The following DHRS9 variants were observed in gnomAD, a reference collection of about 807,000 sequenced individuals.
DHRS9 encodes the protein dehydrogenase/reductase SDR family member 9.
A neutral mutation model predicts 26.6 loss-of-function variants in DHRS9; 18 were observed. That is an observed-to-expected ratio of 0.68 (90% CI 0.47 to 1.00). The LOEUF (loss-of-function observed/expected upper bound fraction) is 1.00. Ranked by LOEUF, DHRS9 falls within the 50% of genes least tolerant of loss-of-function variation. The pLI, the probability that DHRS9 is intolerant of heterozygous loss-of-function variation, is 0.00. For synonymous variants in DHRS9, 134 were observed against 141.1 expected (o/e 0.95, Z 0.36); for missense variants, 425 against 378.7 (o/e 1.12, Z -1.01).
At chr2:169,078,182 CCT>C (rs1206514659) in intron 1 of DHRS9, among the ~76,000 whole-genome samples, 1 of 152,148 alleles carries the variant, frequency 6.6e-6, no homozygotes, top group Non-Finnish European at 1.5e-5. Flanking sequence ...AATAATATGC[CCT>C]CTCTAACTCA....
chr2:169,092,366 G>T (rs1684557100), intron 4 of DHRS9, among the ~76,000 whole-genome samples: 1 of 152,164 alleles, frequency 6.6e-6, no homozygotes, highest in East Asian at 1.9e-4. Flanking sequence ...TGTACACTTG[G>T]CATTAAGGAT....
At chr2:169,084,907 A>G (rs1684304406) in intron 3 of DHRS9, among the ~76,000 whole-genome samples, 1 of 152,166 alleles carries the variant, frequency 6.6e-6, no homozygotes, top group African/African-American at 2.4e-5. Flanking sequence ...ATCTTTGCCC[A>G]GCTAATTGTC....
At chr2:169,081,252 A>G in intron 1 of DHRS9, 3 of 863,580 alleles carry the variant, frequency 3.5e-6, no homozygotes, top group Non-Finnish European at 3.0e-6. Context: ...TGGCAACTCA[A>G]TGGCTTGTGT....
chr2:169,087,070 G>A (rs964210591), intron 3 of DHRS9, among the ~76,000 whole-genome samples: 1 of 152,164 alleles, frequency 6.6e-6, no homozygotes, highest in African/African-American at 2.4e-5. Context: ...GGGGTGGCAA[G>A]TTCTCCCTAC....
intron 4 of DHRS9, among the ~76,000 whole-genome samples, chr2:169,092,489 C>G (rs1684561277): frequency 6.6e-6 from 1 of 152,188 alleles, no homozygotes. Flanking sequence ...TAATGTAGCA[C>G]ACAATAAAAT....
At chr2:169,081,189 A>G (rs1382767065) in intron 1 of DHRS9, 3 of 1,005,210 alleles carry the variant, frequency 3.0e-6, no homozygotes, top group African/African-American at 3.4e-5. Context: ...TTCCTGATAG[A>G]CGAGTTCACT....
At chr2:169,091,285 A>ATAAAG (rs1684517288) in intron 3 of DHRS9, among the ~76,000 whole-genome samples, 1 of 118,146 alleles carries the variant, frequency 8.5e-6, no homozygotes, top group South Asian at 2.6e-4. Flanking sequence ...ATAAAATAAA[A>ATAAAG]TAAAATAAAA....
At chr2:169,070,259 C>G in intron 1 of DHRS9, 1 of 985,376 alleles carries the variant, frequency 1.0e-6, no homozygotes, top group Non-Finnish European at 1.2e-6. Context: ...AAATTCCCAA[C>G]AATTCATATT....
chr2:169,084,245 G>A (rs1304324682), intron 3 of DHRS9, among the ~76,000 whole-genome samples: 1 of 152,010 alleles, frequency 6.6e-6, no homozygotes, highest in Non-Finnish European at 1.5e-5. Context: ...TTCTATTGAT[G>A]GACATTTAGG....
chr2:169,070,567 C>T (rs992297362), intron 1 of DHRS9: 24 of 984,614 alleles, frequency 2.4e-5, no homozygotes, highest in Non-Finnish European at 2.8e-5. Flanking sequence ...CTTGGCTACA[C>T]GCTGCATCAA....
intron 1 of DHRS9, among the ~76,000 whole-genome samples, chr2:169,078,198 C>T (rs1030317493): frequency 2.6e-5 from 4 of 152,170 alleles, no homozygotes; most frequent in East Asian, 1.9e-4. Context: ...TAACTCAAAA[C>T]GCTATTGAGA....
intron 3 of DHRS9, among the ~76,000 whole-genome samples, chr2:169,086,818 ACT>A (rs1684366886): frequency 6.6e-6 from 1 of 151,584 alleles, no homozygotes; most frequent in Admixed American, 6.6e-5. Flanking sequence ...CCAGGAAAAG[ACT>A]CTTGTTCTCT....
chr2:169,073,964 A>G (rs775955630), intron 1 of DHRS9, among the ~76,000 whole-genome samples: 6 of 152,288 alleles, frequency 3.9e-5, no homozygotes, highest in East Asian at 3.9e-4. Flanking sequence ...GGTTTTCACA[A>G]CTTGGGGAGG....
upstream of DHRS9, chr2:169,069,443 C>A (rs1034828135): frequency 2.0e-6 from 2 of 985,278 alleles, no homozygotes; most frequent in African/African-American, 1.7e-5. Flanking sequence ...TTGAAACATG[C>A]GACCTACAGC....
intron 1 of DHRS9, chr2:169,074,464 C>T: frequency 1.0e-6 from 1 of 985,260 alleles, no homozygotes; most frequent in Non-Finnish European, 1.2e-6. Flanking sequence ...CTCAAGCAAC[C>T]AGGTCAGTTC....
Position 169,085,850 on chromosome 2 carries a change from G to T in DHRS9, c.572+2263G>T, listed in dbSNP as rs151116068. ...ATTTGACTTCCTCCTTTCCAAATTG[G>T]GTTGGAGCTCCATTGTATGTTATTT... On this transcript the variant is annotated intron_variant, in intron 3 of 4. Transcript: ENST00000674881. 2.2e-3 allele frequency among the ~76,000 whole-genome samples: 332 copies of T among 152,200 alleles called. 8 individuals are homozygous for T. In the East Asian group the frequency reaches 0.056, roughly 26 times the overall value.
At chr2:169,083,224 C>T (rs976302638) in intron 2 of DHRS9, 105 bp from the exon 3 acceptor site, 2 of 1,411,708 alleles carry the variant, frequency 1.4e-6, no homozygotes, top group Non-Finnish European at 1.9e-6. Flanking sequence ...AAAATGACTT[C>T]AAGGAGGAAA....
At chr2:169,077,482 T>A (rs372776547) in intron 1 of DHRS9, among the ~76,000 whole-genome samples, 49 of 152,232 alleles carry the variant, frequency 3.2e-4, no homozygotes, top group African/African-American at 1.1e-3. Flanking sequence ...TTCCAACAAA[T>A]GCAATGTAAC....
At position 169,081,633 on chromosome 2, in the gene DHRS9, C is replaced by T. The variant is rs978854081; in HGVS notation, c.52C>T (p.Arg18Cys). The T allele has an allele frequency of 1.9e-6, 3 of 1,614,024 alleles. No homozygotes were observed. The highest frequency in any genetic ancestry group is 1.3e-5 in the African/African-American group (1 of 74,982). The change falls in exon 2 of 5, where the codon CGT (arginine) becomes TGT (cysteine). Residue 18 changes from arginine to cysteine, a missense_variant. Transcript: ENST00000674881. ...AATCCTCTGTGGTTTTCTGTGGACT[C>T]GTAAAGGAAAACTAAAGATTGAAGA... ...LLILCGFLWT[R>C]KGKLKIEDIT...
Sources: gnomAD v4.1 joint callset for allele counts (sites outside exome capture counted in the v4.1 genomes callset) on GRCh38, gnomAD v4.1.1 for gene constraint, MANE v1.5 for transcripts, NCBI Gene and HGNC (gene_info 2026-07-23, HGNC 2026-07-21) for gene names.